MYOF: variants seen among roughly 807,000 people sequenced by gnomAD.
MYOF encodes fer-1-like 3, myoferlin.
Under a neutral mutation model 284.2 loss-of-function variants are expected in MYOF, and 244 were observed. The ratio of observed to expected loss-of-function variants is 0.86; its 90% CI spans 0.77 to 0.95. The LOEUF (loss-of-function observed/expected upper bound fraction) is 0.95, where lower values mean the gene tolerates loss of function less well. Ranked by LOEUF, MYOF falls within the 40% of genes least tolerant of loss-of-function variation. The probability of loss-of-function intolerance (pLI) is 0.00; values close to 1 mark genes in which losing one functional copy is unlikely to be tolerated. For synonymous variants in MYOF, 904 were observed against 919.7 expected, an observed-to-expected ratio of 0.98 and a Z score of 0.31; for missense variants, 2,496 against 2,560.6, an observed-to-expected ratio of 0.97 and a Z score of 0.54.
chr10:93,468,037 A>C (rs1420768627), intron 1 of MYOF, among the ~76,000 whole-genome samples: 1 of 152,230 alleles, frequency 6.6e-6, no homozygotes, highest in East Asian at 1.9e-4. Flanking sequence ...TATAGGGTTT[A>C]CCATCTGCCA....
At position 93,329,776 on chromosome 10, in the gene MYOF, C is replaced by T. The variant is rs780712576; in HGVS notation, c.4870G>A (p.Asp1624Asn). Residue 1624 changes from aspartate (D) to asparagine (N), a missense_variant, in exon 44 of 54, where the codon GAT (aspartate) becomes AAT (asparagine). By Grantham distance (23) the Asp-to-Asn change is conservative. This residue lies in a region of MYOF where 2,436 missense variants were observed against 2,480.7 expected (regional missense o/e 0.98). Transcript: ENST00000359263. Reference sequence around the variant, plus strand: ...TCATCCCGGGTAAAGGTGTCATAATCATAGACAGAAATTTTCAGGTCTTTT... The same window carrying T: ...TCATCCCGGGTAAAGGTGTCATAATTATAGACAGAAATTTTCAGGTCTTTT... Reference protein sequence around the residue: ...QEKDLKISVYDYDTFTRDEKV... With the variant: ...QEKDLKISVYNYDTFTRDEKV... 6.2e-7 allele frequency: 1 copy of T among 1,614,102 alleles called. No homozygotes were observed. Among genetic ancestry groups the T allele is most frequent in the Non-Finnish European group, 8.5e-7 (1 of 1,180,048 alleles).
intron 5 of MYOF, among the ~76,000 whole-genome samples, chr10:93,410,060 G>A (rs1341546332): frequency 6.6e-6 from 1 of 152,194 alleles, no homozygotes; most frequent in African/African-American, 2.4e-5. Context: ...TCTCATTAGT[G>A]TTAGGATGGA....
rs987915995 is a variant in MYOF, at chr10:93,409,714, A to C, written c.459T>G (p.Asp153Glu). ...TGACTGCATTGTCCAACCTGTCTTCATCACCTTCATCTTCTTCCCCATCTC... is the reference window on the plus strand; with the variant it reads ...TGACTGCATTGTCCAACCTGTCTTCCTCACCTTCATCTTCTTCCCCATCTC... ...MGGDGEEDEGDEDRLDNAVRG... is the reference protein window; with the variant it reads ...MGGDGEEDEGEEDRLDNAVRG... The change falls in exon 6 of 54, where the codon GAT becomes GAG. Residue 153 changes from aspartate (D) to glutamate (E), a missense_variant. By Grantham distance (45) the Asp-to-Glu change is conservative (BLOSUM62 2). Coordinates refer to ENST00000359263, the MANE Select transcript of MYOF (RefSeq NM_013451.4). The C allele has an allele frequency of 6.2e-7, 1 of 1,614,172 alleles. No homozygotes were observed. The highest frequency in any genetic ancestry group is 8.5e-7 in the Non-Finnish European group (1 of 1,180,030).
chr10:93,312,532 G>A (rs1370224688), intron 51 of MYOF, among the ~76,000 whole-genome samples: 1 of 151,836 alleles, frequency 6.6e-6, no homozygotes, highest in Non-Finnish European at 1.5e-5. Context: ...TGTTGTTTTT[G>A]TATTTTTAGT....
intron 49 of MYOF, among the ~76,000 whole-genome samples, chr10:93,317,337 C>T (rs1842656718): frequency 6.7e-6 from 1 of 150,204 alleles, no homozygotes; most frequent in African/African-American, 2.5e-5. Context: ...GGATTTTTGG[C>T]CTTTGAAAAA....
intron 1 of MYOF, among the ~76,000 whole-genome samples, chr10:93,463,394 A>T (rs1331676033): frequency 2.5e-5 from 2 of 78,936 alleles, no homozygotes; most frequent in African/African-American, 9.5e-5. Flanking sequence ...GTCTCTACAA[A>T]TTTTTTTTTT....
At chr10:93,416,449 A>G (rs994681463) in intron 5 of MYOF, among the ~76,000 whole-genome samples, 6 of 151,754 alleles carry the variant, frequency 4.0e-5, no homozygotes, top group African/African-American at 1.2e-4. Context: ...ACTTGAGCCC[A>G]GAGGCAGAGG....
chr10:93,356,938 T>C, intron 29 of MYOF, 90 bp from the exon 30 acceptor site: 1 of 1,287,702 alleles, frequency 7.8e-7, no homozygotes. Flanking sequence ...AATCAACAGA[T>C]ACACAGTATT....
At chr10:93,409,211 G>A (rs952859974) in intron 6 of MYOF, among the ~76,000 whole-genome samples, 5 of 152,170 alleles carry the variant, frequency 3.3e-5, no homozygotes, top group Non-Finnish European at 5.9e-5. Context: ...TCATGCACCT[G>A]GTCTTGCTGA....
At chr10:93,366,929 TA>T (rs10709429) in intron 25 of MYOF, among the ~76,000 whole-genome samples, 43,201 of 152,094 alleles carry the variant, frequency 0.28, 7,477 homozygotes, top group Non-Finnish European at 0.4. Context: ...ATCTTTTAAA[TA>T]CCTATGAAAG....
intron 39 of MYOF, 148 bp from the exon 40 acceptor site, chr10:93,338,061 T>G: frequency 1.5e-6 from 1 of 648,948 alleles, no homozygotes; most frequent in South Asian, 1.9e-5. Context: ...ACATGCACAA[T>G]GGACAAAGCA....
Position 93,425,943 on chromosome 10 carries a change from G to C in MYOF, c.433+128C>G, listed in dbSNP as rs1032786554. 21 of 921,042 alleles carry C rather than the reference G, an allele frequency of 2.3e-5. No individual in the cohort carries two copies. In the East Asian group the frequency reaches 5.6e-4, roughly 24 times the overall value. The allele number at this position is 921,042 out of a possible 1,614,324, so 57.1% of individuals were successfully genotyped here. The stretch of plus-strand genomic sequence containing the variant: ...TCAGGCAGCCCCACCTGCCTCTCGG[G>C]GCCCCTGTCTGGGTGGGCAGGGAGC... On this transcript the variant is annotated intron_variant, in intron 5 of 53. Transcript: ENST00000359263.
intron 4 of MYOF, among the ~76,000 whole-genome samples, chr10:93,429,102 C>G (rs759840398): frequency 2.6e-5 from 4 of 152,138 alleles, no homozygotes; most frequent in Non-Finnish European, 5.9e-5. Flanking sequence ...GGGGGCGGAT[C>G]CCTCACGAAG....
chr10:93,443,917 G>A (rs2056352038), intron 3 of MYOF, among the ~76,000 whole-genome samples: 1 of 152,138 alleles, frequency 6.6e-6, no homozygotes, highest in African/African-American at 2.4e-5. Context: ...GTAGAGCTGG[G>A]TCTCTAATCG....
intron 25 of MYOF, among the ~76,000 whole-genome samples, chr10:93,369,258 GGTGTGTGTGT>G (rs553940736): frequency 5.3e-5 from 6 of 113,332 alleles, no homozygotes; most frequent in Middle Eastern, 8.8e-3. Flanking sequence ...CTCCTGGGTT[GGTGTGTGTGT>G]GTGTGTGTAT....
At chr10:93,448,977 A>T (rs956683581) in intron 3 of MYOF, among the ~76,000 whole-genome samples, 1 of 149,486 alleles carries the variant, frequency 6.7e-6, no homozygotes, top group Non-Finnish European at 1.5e-5. Context: ...CCTGGGTGAC[A>T]GAGTGAGACT....
chr10:93,402,722 T>C lies in MYOF; in HGVS notation c.874+138A>G. ...ACTAAGTATCCTCTCCTCTCCCTCA[T>C]TAAGAAAATATTTTTTAAAAAATTC... On this transcript the variant is annotated intron_variant, in intron 10 of 53. Coordinates refer to ENST00000359263, the MANE Select transcript of MYOF (RefSeq NM_013451.4). 4.2e-6 allele frequency: 3 copies of C among 721,818 alleles called. No individual in the cohort carries two copies. In the South Asian group the frequency reaches 7.0e-5, roughly 17 times the overall value. 44.7% of individuals were successfully genotyped at this position (721,818 alleles called of 1,614,324 possible). A position where few individuals can be genotyped will look rare whatever the true frequency, so the allele number is the denominator to read the frequency against.
intron 3 of MYOF, among the ~76,000 whole-genome samples, chr10:93,441,154 G>A (rs2056236112): frequency 6.6e-6 from 1 of 152,110 alleles, no homozygotes; most frequent in South Asian, 2.1e-4. Flanking sequence ...ACCAACCCCA[G>A]GAGAAGAAAG....
At chr10:93,463,743 G>T (rs1304160777) in intron 1 of MYOF, among the ~76,000 whole-genome samples, 1 of 151,736 alleles carries the variant, frequency 6.6e-6, no homozygotes, top group Non-Finnish European at 1.5e-5. Flanking sequence ...ATACTGGCAT[G>T]CACCAATAGT....
Sources: allele counts gnomAD v4.1 joint callset (sites outside exome capture counted in the v4.1 genomes callset), GRCh38; gene constraint gnomAD v4.1.1; regional missense constraint gnomAD v4.1.1; transcripts MANE v1.5; gene names NCBI Gene and HGNC (gene_info 2026-07-23, HGNC 2026-07-21).